The following SRCIN1 variants were observed in gnomAD, a reference collection of about 807,000 sequenced individuals.
SRCIN1 encodes P130Cas-associated protein.
SRCIN1 carries 50 observed loss-of-function variants against 116.2 expected under a neutral mutation model. That is an observed-to-expected ratio of 0.43 (90% CI 0.34 to 0.54). The LOEUF (loss-of-function observed/expected upper bound fraction) is 0.54, where lower values mean the gene tolerates loss of function less well. SRCIN1 is among the 20% of genes least tolerant of loss of function. SRCIN1 has a pLI of 0.02. For synonymous variants in SRCIN1, 736 were observed against 750.0 expected (o/e 0.98, Z 0.30); for missense variants, 1,446 against 1,672.0 (o/e 0.86, Z 2.36).
chr17:38,578,829 C>T (rs896340694), intron 1 of SRCIN1, 38 bp from the exon 2 acceptor site: 5 of 1,450,612 alleles, frequency 3.4e-6, no homozygotes, highest in South Asian at 1.4e-5. Context: ...GGTCACGGCG[C>T]GCCCGGCCTG....
At position 38,563,270 on chromosome 17, in the gene SRCIN1, G is replaced by A. The variant is rs1906407865; in HGVS notation, c.740+53C>T. On this transcript the variant is annotated intron_variant, in intron 5 of 18. Coordinates refer to ENST00000617146, the MANE Select transcript of SRCIN1 (RefSeq NM_025248.3). This position sits in a 1 kb window ranked among gnomAD's most constrained non-coding sequence, Gnocchi z 5.8. ...AAGGGCCGGCGGGGTCCAGCACCCT[G>A]CAGAGGAGGAGCGTGGGGAAGCCCA... The A allele has an allele frequency of 6.5e-7, 1 of 1,545,360 alleles. No individual in the cohort carries two copies. Among genetic ancestry groups the A allele is most frequent in the Non-Finnish European group, 8.7e-7 (1 of 1,143,692 alleles).
At chr17:38,576,504 C>T (rs1384894230) in intron 2 of SRCIN1, among the ~76,000 whole-genome samples, 1 of 152,042 alleles carries the variant, frequency 6.6e-6, no homozygotes, top group Non-Finnish European at 1.5e-5. Flanking sequence ...CCCACTGTGC[C>T]CTGATGGCCA....
intron 1 of SRCIN1, among the ~76,000 whole-genome samples, chr17:38,587,880 T>A (rs1908206234): frequency 6.6e-6 from 1 of 151,994 alleles, no homozygotes; most frequent in Non-Finnish European, 1.5e-5. Flanking sequence ...AATGTGCAAA[T>A]CAGCCCCGTG....
chr17:38,563,303 C>G lies in SRCIN1; in HGVS notation c.740+20G>C. Reference sequence around the variant, plus strand: ...GGAGCGTGGGGAAGCCCACCCAAATCCCCCCCGGTCCACGCCCACCGGACG... The same window carrying G: ...GGAGCGTGGGGAAGCCCACCCAAATGCCCCCCGGTCCACGCCCACCGGACG... On this transcript the variant is annotated intron_variant, in intron 5 of 18. Transcript: ENST00000617146. The surrounding 1 kb of genome is among the most constrained non-coding windows in gnomAD (Gnocchi z 5.8). 6.4e-7 allele frequency: 1 copy of G among 1,552,402 alleles called. No individual in the cohort carries two copies. The highest frequency in any genetic ancestry group is 8.7e-7 in the Non-Finnish European group (1 of 1,146,252).
chr17:38,549,321 G>A (rs1905253167), intron 15 of SRCIN1, 111 bp from the exon 16 acceptor site: 3 of 1,110,682 alleles, frequency 2.7e-6, no homozygotes, highest in East Asian at 3.0e-5. Flanking sequence ...AGGACCAGGA[G>A]GAGGTGAGAG....
intron 1 of SRCIN1, among the ~76,000 whole-genome samples, chr17:38,583,675 T>C (rs1193191956): frequency 6.6e-6 from 1 of 151,556 alleles, no homozygotes; most frequent in Non-Finnish European, 1.5e-5. Flanking sequence ...GCTTCAGCCT[T>C]CTGAGTAGCT....
rs116307085 is a variant in SRCIN1 at position 38,574,137 on chromosome 17, G to C, written c.324+4353C>G. ...CACTACCCCTCCTCCGCCTCCTACA[G>C]CTGAATATCCTCAAGTCAAGACCTC... On this transcript the variant is annotated intron_variant, in intron 2 of 18. Coordinates refer to ENST00000617146, the MANE Select transcript of SRCIN1 (RefSeq NM_025248.3). Among the ~76,000 whole-genome samples, 1,226 of 152,232 alleles carry C rather than the reference G, an allele frequency of 8.1e-3. 21 individuals carry two copies. Among genetic ancestry groups the C allele is most frequent in the African/African-American group, 0.028 (1,157 of 41,530 alleles).
chr17:38,537,371 G>A (rs1186437384), intron 18 of SRCIN1, among the ~76,000 whole-genome samples: 1 of 151,908 alleles, frequency 6.6e-6, no homozygotes, highest in South Asian at 2.1e-4. Context: ...GCTTGATGGC[G>A]CCACCTGCAG....
At chr17:38,607,020 C>T (rs1909402078), upstream of SRCIN1, among the ~76,000 whole-genome samples, 1 of 152,158 alleles carries the variant, frequency 6.6e-6, no homozygotes, top group South Asian at 2.1e-4. Flanking sequence ...GGCCATCAGG[C>T]AGAGTGGCAG....
At chr17:38,596,383 A>G (rs1215556054) in intron 1 of SRCIN1, among the ~76,000 whole-genome samples, 2 of 152,068 alleles carry the variant, frequency 1.3e-5, no homozygotes, top group African/African-American at 2.4e-5. Flanking sequence ...GCAGGGACTG[A>G]GGGGGTAGAG....
intron 1 of SRCIN1, among the ~76,000 whole-genome samples, chr17:38,595,513 G>A (rs1908679755): frequency 6.6e-6 from 1 of 152,202 alleles, no homozygotes; most frequent in Non-Finnish European, 1.5e-5. Flanking sequence ...ACCGCGCCTG[G>A]CCTTCAATAA....
intron 1 of SRCIN1, among the ~76,000 whole-genome samples, 195 bp from the exon 2 acceptor site, chr17:38,578,986 C>T (rs898178912): frequency 1.4e-4 from 22 of 152,190 alleles, no homozygotes; most frequent in Non-Finnish European, 1.0e-4. Flanking sequence ...GTGGAAAGCG[C>T]GCCTACGGCC....
Position 38,560,357 on chromosome 17 carries a change from C to T in SRCIN1, c.1769G>A (p.Arg590Gln). The T allele has an allele frequency of 6.2e-7, 1 of 1,611,164 alleles. No homozygotes were observed. The highest frequency in any genetic ancestry group is 8.5e-7 in the Non-Finnish European group (1 of 1,178,756). The change falls in exon 8 of 19, where the codon CGA (arginine) becomes CAA (glutamine). Residue 590 changes from arginine to glutamine, a missense_variant. Transcript: ENST00000617146. Reference protein sequence around the residue: ...LTGLVQSALLRGSEPETPSEK... With the variant: ...LTGLVQSALLQGSEPETPSEK... ...CCTGGGGGTCTCAGGCTCAGAGCCT[C>T]GCAGTAAGGCGCTCTGCACCAGGCC...
In SRCIN1 at chr17:38,561,816, G is replaced by A. The variant is rs1906272141; in HGVS notation, c.1347C>T (p.Asp449=). ...SAAALQSDLE[D]SLYKAAGGGG... ...CGCCGCCCGCCGCCTTGTACAGGGA[G>A]TCCTCCAGATCGGACTGCAGCGCGG... The change falls in exon 7 of 19, where the codon GAC becomes GAT. Residue 449 remains aspartate, a synonymous_variant. Transcript: ENST00000617146. The A allele has an allele frequency of 1.3e-6, 2 of 1,488,298 alleles. No homozygotes were observed. The highest frequency in any genetic ancestry group is 1.5e-5 in the African/African-American group (1 of 68,712). The allele number at this position is 1,488,298 out of a possible 1,614,324, so 92.2% of individuals were successfully genotyped here. A position where few individuals can be genotyped will look rare whatever the true frequency, so the allele number is the denominator to read the frequency against.
In SRCIN1 at chr17:38,562,870, T is replaced by C. The variant is rs1360541922; in HGVS notation, c.791A>G (p.Tyr264Cys). 3 of 1,613,788 alleles carry C rather than the reference T, an allele frequency of 1.9e-6. No individual in the cohort carries two copies. In the African/African-American group the frequency reaches 4.0e-5, roughly 22 times the overall value. ...IIKIYRKEPL[Y>C]AAFPGSHLTN... ...GAGATGTGAGCCAGGGAAGGCAGCG[T>C]AGAGGGGCTCCTTTCTGTAGATCTT... The change falls in exon 6 of 19, where the codon TAC (tyrosine) becomes TGC (cysteine). Residue 264 changes from tyrosine to cysteine, a missense_variant. Coordinates refer to ENST00000617146, the MANE Select transcript of SRCIN1 (RefSeq NM_025248.3). This position sits in a 1 kb window ranked among gnomAD's most constrained non-coding sequence, Gnocchi z 4.2.
At position 38,549,100 on chromosome 17, in the gene SRCIN1, C is replaced by G; in HGVS notation, c.3073G>C (p.Gly1025Arg). The change falls in exon 16 of 19, where the codon GGA becomes CGA. Residue 1025 changes from glycine (G) to arginine (R), a missense_variant. Physicochemically the swap from Gly to Arg is moderately radical, Grantham distance 125 (BLOSUM62 -2). Transcript: ENST00000617146. The part of the protein sequence containing the change: ...SSHGLTTTRT[G>R]EVVVTSKKDS... ...TTCTTGCTGGTGACCACCACCTCTC[C>G]GGTACGTGTGGTGGTCAGGCCATGG... The G allele has an allele frequency of 5.6e-6, 9 of 1,605,786 alleles. No individual in the cohort carries two copies. The highest frequency in any genetic ancestry group is 7.6e-6 in the Non-Finnish European group (9 of 1,176,668).
At chr17:38,571,102 G>T (rs930176486) in intron 2 of SRCIN1, among the ~76,000 whole-genome samples, 2 of 152,168 alleles carry the variant, frequency 1.3e-5, no homozygotes, top group Admixed American at 6.5e-5. Context: ...GGAGGCCTCT[G>T]GGGATATCAT....
intron 2 of SRCIN1, 62 bp downstream of exon 2, chr17:38,578,428 G>T (rs1907551812): frequency 6.6e-7 from 1 of 1,505,756 alleles, no homozygotes; most frequent in African/African-American, 1.4e-5. Flanking sequence ...CACGGGGTCA[G>T]ACCTCCTCCC....
Position 38,580,187 on chromosome 17 carries a change from C to T in SRCIN1, c.23-1396G>A, listed in dbSNP as rs1296453599. On this transcript the variant is annotated intron_variant, in intron 1 of 18. Coordinates refer to ENST00000617146, the MANE Select transcript of SRCIN1 (RefSeq NM_025248.3). ...CGCCAAGCATCCACTGTCAGGAGGT[C>T]TATGGACAGCTGCCAGGTCTGCCAT... Among the ~76,000 whole-genome samples the T allele has an allele frequency of 2.0e-5, 3 of 152,298 alleles. No homozygotes were observed. The East Asian group carries it at 5.8e-4, about 29-fold the overall frequency.
Sources: gnomAD v4.1 joint callset for allele counts (sites outside exome capture counted in the v4.1 genomes callset) on GRCh38, gnomAD v4.1.1 for gene constraint, Gnocchi (gnomAD v3.1) non-coding constraint, MANE v1.5 for transcripts, NCBI Gene and HGNC (gene_info 2026-07-23, HGNC 2026-07-21) for gene names.